The following AFF2 variants were observed in gnomAD, a reference collection of about 807,000 sequenced individuals.
AFF2 encodes the protein AF4/FMR2 family member 2.
AFF2 carries 14 observed loss-of-function variants against 76.9 expected under a neutral mutation model. The ratio of observed to expected loss-of-function variants is 0.18; its 90% CI spans 0.12 to 0.28. The LOEUF is 0.28. Among genes scored for constraint, AFF2 ranks in the 10% least tolerant of loss-of-function variants. AFF2 has a pLI of 1.00. For missense variants in AFF2, 868 were observed against 1,001.1 expected, an observed-to-expected ratio of 0.87 and a Z score of 1.79; for synonymous variants, 398 against 366.7, an observed-to-expected ratio of 1.09 and a Z score of -0.98.
At chrX:148,899,012 A>G (rs1187638268) in intron 8 of AFF2, among the ~76,000 whole-genome samples, 2 of 112,133 alleles carry the variant, frequency 1.8e-5, no homozygotes, top group Non-Finnish European at 3.8e-5. Context: ...AGGTTCAAAT[A>G]CAGAATGTTT....
intron 1 of AFF2, among the ~76,000 whole-genome samples, chrX:148,584,661 T>C (rs2053448392): frequency 9.2e-6 from 1 of 108,662 alleles, no homozygotes; most frequent in South Asian, 4.1e-4. Flanking sequence ...GTTCAAGCGA[T>C]TCTCCTGCCT....
intron 1 of AFF2, among the ~76,000 whole-genome samples, chrX:148,585,666 CCT>C (rs1557245792): frequency 9.2e-6 from 1 of 108,246 alleles, no homozygotes; most frequent in Admixed American, 9.8e-5. Flanking sequence ...GGTGAAACCC[CCT>C]CTCTACTAAA....
At chrX:148,905,736 G>A (rs782268310) in intron 9 of AFF2, among the ~76,000 whole-genome samples, 20 of 112,729 alleles carry the variant, frequency 1.8e-4, no homozygotes, top group African/African-American at 5.8e-4. Context: ...TTCCCAAGTT[G>A]CATTTTTGCA....
chrX:148,544,017 G>A (rs2052890809), intron 1 of AFF2, among the ~76,000 whole-genome samples: 1 of 111,756 alleles, frequency 8.9e-6, no homozygotes, highest in Non-Finnish European at 1.9e-5. Flanking sequence ...AAGAAACATC[G>A]AAAAGGTCAA....
chrX:148,660,225 A>T (rs781818955), intron 2 of AFF2, among the ~76,000 whole-genome samples: 1 of 111,555 alleles, frequency 9.0e-6, no homozygotes, highest in Non-Finnish European at 1.9e-5. Context: ...AATACTTTTT[A>T]CGGTATATGG....
chrX:148,721,721 A>G (rs1457536197), intron 3 of AFF2, among the ~76,000 whole-genome samples: 1 of 112,110 alleles, frequency 8.9e-6, no homozygotes, highest in East Asian at 2.8e-4. Flanking sequence ...ACAAACATTT[A>G]TTGTCTCATA....
intron 1 of AFF2, among the ~76,000 whole-genome samples, chrX:148,547,799 C>A (rs1038157758): frequency 2.7e-5 from 3 of 111,935 alleles, no homozygotes; most frequent in Non-Finnish European, 5.6e-5. Flanking sequence ...ATATCAACTT[C>A]CCAAGTGTCC....
chrX:148,968,640 T>G (rs1232660669), intron 15 of AFF2, among the ~76,000 whole-genome samples: 3 of 112,427 alleles, frequency 2.7e-5, no homozygotes, highest in Non-Finnish European at 3.8e-5. Context: ...ATGACTAGTG[T>G]GTAGCCAACA....
chrX:148,958,309 G>C (rs2072066155), intron 11 of AFF2, 28 bp from the exon 12 acceptor site: 1 of 1,207,420 alleles, frequency 8.3e-7, no homozygotes, highest in Non-Finnish European at 1.1e-6. Context: ...TGCATTTCAA[G>C]CTCTGTGTAT....
intron 9 of AFF2, among the ~76,000 whole-genome samples, chrX:148,917,584 C>T (rs1557282765): frequency 1.8e-5 from 2 of 111,673 alleles, no homozygotes; most frequent in Non-Finnish European, 3.8e-5. Flanking sequence ...GTCCTTCCTG[C>T]GATACTCCAC....
At position 148,997,252 on chromosome X, in the gene AFF2, A is replaced by G. The variant is rs1417366229; in HGVS notation, c.*5920A>G. The G allele has an allele frequency of 9.0e-6, 1 of 110,925 alleles. No individual in the cohort carries two copies. Among genetic ancestry groups the G allele is most frequent in the East Asian group, 2.8e-4 (1 of 3,570 alleles). 9.1% of individuals were successfully genotyped at this position (110,925 alleles called of 1,213,427 possible). A position where few individuals can be genotyped will look rare whatever the true frequency, so the allele number is the denominator to read the frequency against. On this transcript the variant is annotated 3_prime_UTR_variant, in exon 21 of 21. Coordinates refer to ENST00000370460, the MANE Select transcript of AFF2 (RefSeq NM_002025.4). ...ACTAAGCTCAGTAACAAGAAGGCAT[A>G]AACTAAAGTATATAATGAGGCTTTC...
intron 1 of AFF2, among the ~76,000 whole-genome samples, chrX:148,567,574 T>C (rs2053183149): frequency 9.0e-6 from 1 of 111,335 alleles, no homozygotes; most frequent in Non-Finnish European, 1.9e-5. Flanking sequence ...GTGGAGTCAA[T>C]ACCTTGTTAT....
At chrX:148,679,662 C>A (rs1210827622) in intron 3 of AFF2, among the ~76,000 whole-genome samples, 5 of 111,676 alleles carry the variant, frequency 4.5e-5, no homozygotes, top group Non-Finnish European at 7.5e-5. Context: ...AGGCCACTGA[C>A]AGAATTACTT....
At chrX:148,767,536 C>T (rs1277441647) in intron 3 of AFF2, among the ~76,000 whole-genome samples, 2 of 111,712 alleles carry the variant, frequency 1.8e-5, no homozygotes, top group East Asian at 2.8e-4. Context: ...GGGAATTTGC[C>T]CCTGAAAGCC....
intron 3 of AFF2, among the ~76,000 whole-genome samples, chrX:148,761,984 T>C (rs1381276756): frequency 9.2e-6 from 1 of 108,776 alleles, no homozygotes; most frequent in Non-Finnish European, 1.9e-5. Context: ...GATATAGATA[T>C]AGATATAGAT....
rs1603353054 is a variant in AFF2 at position 148,983,776 on chromosome X, T to C, written c.3623+2986T>C. On this transcript the variant is annotated intron_variant, in intron 19 of 20. Transcript: ENST00000370460. ...CTCTGCCAGGCCTTTTGTAGACATA[T>C]CCCCTATCCTCATGCTATATATGCT... Among the ~76,000 whole-genome samples, 5 of 108,497 alleles carry C rather than the reference T, an allele frequency of 4.6e-5. No homozygotes were observed. The Admixed American group carries it at 5.0e-4, about 11-fold the overall frequency. The allele number at this position is 108,497 out of a possible 115,157, so 94.2% of individuals were successfully genotyped here.
chrX:148,666,476 T>C (rs1557258471), intron 3 of AFF2, among the ~76,000 whole-genome samples: 1 of 109,825 alleles, frequency 9.1e-6, no homozygotes, highest in Non-Finnish European at 1.9e-5. Context: ...TCCCAGCTAC[T>C]CGGGAGGCTG....
chrX:148,604,805 G>A (rs1213778953), intron 1 of AFF2, among the ~76,000 whole-genome samples: 1 of 111,015 alleles, frequency 9.0e-6, no homozygotes, highest in Non-Finnish European at 1.9e-5. Context: ...AGACAAAATA[G>A]AAAATAATGA....
At chrX:148,697,769 A>G (rs1305650556) in intron 3 of AFF2, among the ~76,000 whole-genome samples, 1 of 111,892 alleles carries the variant, frequency 8.9e-6, no homozygotes, top group African/African-American at 3.2e-5. Context: ...TGGGTCTGCA[A>G]GCACCTGGTG....
Sources: allele counts gnomAD v4.1 joint callset (sites outside exome capture counted in the v4.1 genomes callset), GRCh38; gene constraint gnomAD v4.1.1; transcripts MANE v1.5; gene names NCBI Gene and HGNC (gene_info 2026-07-23, HGNC 2026-07-21).